The following ABCC12 variants were observed in gnomAD, a reference collection of about 807,000 sequenced individuals.
ABCC12 encodes the protein ATP-binding cassette sub-family C member 12.
ABCC12 carries 142 observed loss-of-function variants against 151.1 expected under a neutral mutation model. The observed-to-expected ratio is 0.94, with a 90% CI of 0.82 to 1.08. The LOEUF (loss-of-function observed/expected upper bound fraction) is 1.08, where lower values mean the gene tolerates loss of function less well. ABCC12 is among the 50% of genes least tolerant of loss of function. The pLI, the probability that ABCC12 is intolerant of heterozygous loss-of-function variation, is 0.00. For missense variants in ABCC12, 1,638 were observed against 1,691.1 expected, an observed-to-expected ratio of 0.97 and a Z score of 0.55; for synonymous variants, 645 against 646.4, an observed-to-expected ratio of 1.00 and a Z score of 0.03.
At chr16:48,084,781 T>G (rs775908301) in intron 29 of ABCC12, among the ~76,000 whole-genome samples, 1 of 152,196 alleles carries the variant, frequency 6.6e-6, no homozygotes, top group Non-Finnish European at 1.5e-5. Context: ...CGGAGGAACA[T>G]GTTCGCAGGT....
chr16:48,097,278 C>T (rs571231698), intron 23 of ABCC12, among the ~76,000 whole-genome samples: 10 of 152,112 alleles, frequency 6.6e-5, no homozygotes, highest in African/African-American at 2.4e-4. Context: ...AGTCAGTCAC[C>T]CTCAAAGGCT....
chr16:48,101,280 G>A (rs555915460), intron 22 of ABCC12, among the ~76,000 whole-genome samples: 3 of 152,172 alleles, frequency 2.0e-5, no homozygotes, highest in East Asian at 1.9e-4. Context: ...TCCACAAGGC[G>A]TGATTCTAGT....
rs773805577 is a variant in ABCC12, at chr16:48,140,910, A to ATC, written c.433_434insGA (p.Ile145ArgfsTer24). On this transcript the variant is annotated frameshift_variant, in exon 6 of 31. Coordinates refer to ENST00000311303, the MANE Select transcript of ABCC12 (RefSeq NM_001393797.1). LOFTEE classifies it high-confidence loss of function. ...CTCAGTCTGCTGGAGGATTTGGTGAATGAGAACTGTCTGTAAAACAGCATG... is the reference window on the plus strand; with the variant it reads ...CTCAGTCTGCTGGAGGATTTGGTGAATCTGAGAACTGTCTGTAAAACAGCATG... 3 of 1,613,860 alleles carry ATC rather than the reference A, an allele frequency of 1.9e-6. No individual in the cohort carries two copies. In the Admixed American group the frequency reaches 5.0e-5, roughly 27 times the overall value.
At chr16:48,135,008 C>T (rs1435059966) in intron 8 of ABCC12, among the ~76,000 whole-genome samples, 1 of 149,800 alleles carries the variant, frequency 6.7e-6, no homozygotes, top group Non-Finnish European at 1.5e-5. Flanking sequence ...GTCGAGATTG[C>T]ACCACTGCAC....
At chr16:48,101,127 A>G in intron 22 of ABCC12, 118 bp from the exon 23 acceptor site, 2 of 1,229,718 alleles carry the variant, frequency 1.6e-6, no homozygotes, top group South Asian at 3.3e-5. Flanking sequence ...AGACGGTGCC[A>G]TCTAACTGGG....
chr16:48,117,556 T>A (rs117175417), intron 13 of ABCC12, among the ~76,000 whole-genome samples: 1 of 152,192 alleles, frequency 6.6e-6, no homozygotes, highest in Non-Finnish European at 1.5e-5. Flanking sequence ...GATTCAGGAA[T>A]GGCCCCTTCC....
chr16:48,092,313 C>T (rs7187069), intron 24 of ABCC12, among the ~76,000 whole-genome samples: 11,146 of 152,202 alleles, frequency 0.073, 1,404 homozygotes, highest in African/African-American at 0.26. Flanking sequence ...CCAGGTGTGT[C>T]TGTGAGATGT....
chr16:48,083,704 C>T lies in ABCC12; in HGVS notation c.*11G>A, dbSNP rs371058499. 30 of 1,613,810 alleles carry T rather than the reference C, an allele frequency of 1.9e-5. No homozygotes were observed. The highest frequency in any genetic ancestry group is 1.8e-4 in the South Asian group (16 of 91,058). On this transcript the variant is annotated 3_prime_UTR_variant, in exon 31 of 31. Transcript: ENST00000311303. ...AGCCTCTTCCTCCTCTAGAATCAGC[C>T]GCCAGGACCTCTACAATCTGACTTC...
At chr16:48,101,098 A>G (rs1391719552) in intron 22 of ABCC12, 89 bp from the exon 23 acceptor site, 2 of 1,463,104 alleles carry the variant, frequency 1.4e-6, no homozygotes, top group Non-Finnish European at 1.8e-6. Flanking sequence ...CTAGGCACTC[A>G]GCACAGTGCT....
At position 48,108,485 on chromosome 16, in the gene ABCC12, T is replaced by G; in HGVS notation, c.2326A>C (p.Thr776Pro). Residue 776 changes from threonine (T) to proline (P), a missense_variant, in exon 19 of 31, where the codon ACC (threonine) becomes CCC (proline). Coordinates refer to ENST00000311303, the MANE Select transcript of ABCC12 (RefSeq NM_001393797.1). ...LIQTESPQEG[T>P]VTWKTYHTYI... ...GTGTGATATGTTTTCCAGGTCACGGTTCCTTCCTGGGGGGATTCAGTCTGG... is the reference window on the plus strand; with the variant it reads ...GTGTGATATGTTTTCCAGGTCACGGGTCCTTCCTGGGGGGATTCAGTCTGG... 6.2e-7 allele frequency: 1 copy of G among 1,614,210 alleles called. No individual in the cohort carries two copies.
chr16:48,146,510 G>C, intron 2 of ABCC12, 36 bp from the exon 3 acceptor site: 1 of 1,077,532 alleles, frequency 9.3e-7, no homozygotes, highest in Admixed American at 1.8e-5. Flanking sequence ...ATTGAGAGGT[G>C]AGGATGTCTG....
intron 6 of ABCC12, among the ~76,000 whole-genome samples, chr16:48,140,421 C>T (rs16945867): frequency 0.032 from 4,910 of 152,168 alleles, 251 homozygotes; most frequent in African/African-American, 0.11. Context: ...ACCATCAAAG[C>T]GATTGGATTA....
intron 25 of ABCC12, among the ~76,000 whole-genome samples, chr16:48,090,426 T>G: frequency 7.0e-6 from 1 of 142,594 alleles, no homozygotes; most frequent in African/African-American, 2.7e-5. Context: ...TTTTTTTTGG[T>G]AGAGACAGGG....
chr16:48,144,258 C>G (rs1454004938), intron 3 of ABCC12, among the ~76,000 whole-genome samples, 193 bp from the exon 4 acceptor site: 1 of 152,174 alleles, frequency 6.6e-6, no homozygotes, highest in Non-Finnish European at 1.5e-5. Context: ...GTTAAATTTT[C>G]AGGAATTTTG....
intron 15 of ABCC12, among the ~76,000 whole-genome samples, chr16:48,114,115 C>T (rs763829781): frequency 2.1e-4 from 32 of 152,296 alleles, no homozygotes; most frequent in Admixed American, 1.2e-3. Context: ...GGAGCTCTTG[C>T]CCACACCAGC....
chr16:48,143,985 C>T lies in ABCC12; in HGVS notation c.200G>A (p.Gly67Asp). Reference sequence around the variant, plus strand: ...GTCTACGGTCAGCCTTTGCCGGTAGCCTTTCACCATCACCGGCGTGAGCCA... The same window carrying T: ...GTCTACGGTCAGCCTTTGCCGGTAGTCTTTCACCATCACCGGCGTGAGCCA... ...FSWLTPVMVK[G>D]YRQRLTVDTL... is the part of the protein sequence containing the mutation. The change falls in exon 4 of 31, where the codon GGC (glycine) becomes GAC (aspartate). Residue 67 changes from glycine (G) to aspartate (D), a missense_variant. Gly to Asp is a moderately conservative substitution (Grantham distance 94). Coordinates refer to ENST00000311303, the MANE Select transcript of ABCC12 (RefSeq NM_001393797.1). 1 of 1,614,014 alleles carries T rather than the reference C, an allele frequency of 6.2e-7. No homozygotes were observed. The highest frequency in any genetic ancestry group is 8.5e-7 in the Non-Finnish European group (1 of 1,180,034).
At chr16:48,112,580 G>A (rs1048649126) in intron 15 of ABCC12, among the ~76,000 whole-genome samples, 1 of 152,150 alleles carries the variant, frequency 6.6e-6, no homozygotes, top group Non-Finnish European at 1.5e-5. Flanking sequence ...GGATGACAGA[G>A]CAAGACTCTG....
intron 6 of ABCC12, 116 bp from the exon 7 acceptor site, chr16:48,139,452 A>C: frequency 1.7e-6 from 2 of 1,160,018 alleles, no homozygotes; most frequent in Non-Finnish European, 2.4e-6. Flanking sequence ...AACTTCTCTA[A>C]AGCAGGAAGG....
intron 1 of ABCC12, among the ~76,000 whole-genome samples, chr16:48,155,065 G>C (rs1178846464): frequency 6.6e-6 from 1 of 152,226 alleles, no homozygotes; most frequent in African/African-American, 2.4e-5. Context: ...GGCACCTGTG[G>C]CAGCCAGATC....
Sources: gnomAD v4.1 joint callset for allele counts (sites outside exome capture counted in the v4.1 genomes callset) on GRCh38, gnomAD v4.1.1 for gene constraint, MANE v1.5 for transcripts, NCBI Gene and HGNC (gene_info 2026-07-23, HGNC 2026-07-21) for gene names.